The following PASK variants were observed in gnomAD, a reference collection of about 807,000 sequenced individuals.
PASK encodes PAS domain-containing serine/threonine-protein kinase.
Under a neutral mutation model 121.0 loss-of-function variants are expected in PASK, and 110 were observed. The observed-to-expected ratio is 0.91, with a 90% CI of 0.78 to 1.06. The LOEUF (loss-of-function observed/expected upper bound fraction) is 1.06, where lower values mean the gene tolerates loss of function less well. Among genes scored for constraint, PASK ranks in the 50% least tolerant of loss-of-function variants. The pLI, the probability that PASK is intolerant of heterozygous loss-of-function variation, is 0.00. For missense variants in PASK, 1,643 were observed against 1,702.3 expected, an observed-to-expected ratio of 0.97 and a Z score of 0.61; for synonymous variants, 686 against 717.8, an observed-to-expected ratio of 0.96 and a Z score of 0.71.
intron 9 of PASK, chr2:241,127,888 C>G (rs1257942888): frequency 3.5e-6 from 1 of 285,760 alleles, no homozygotes; most frequent in Non-Finnish European, 6.8e-6. Flanking sequence ...AAAAAAACAA[C>G]TGATTGACTA....
At chr2:241,138,147 C>T in intron 5 of PASK, 60 bp from the exon 6 acceptor site, 2 of 1,587,194 alleles carry the variant, frequency 1.3e-6, no homozygotes, top group Non-Finnish European at 1.7e-6. Flanking sequence ...GTAAATTTAA[C>T]TAAGCTTCAA....
intron 3 of PASK, 129 bp downstream of exon 3, chr2:241,140,392 A>G: frequency 1.3e-6 from 1 of 770,162 alleles, no homozygotes; most frequent in South Asian, 1.5e-5. Flanking sequence ...TCCTGGGCTC[A>G]AGCAAACTTC....
chr2:241,126,548 C>T lies in PASK; in HGVS notation c.2367G>A (p.Ser789=), dbSNP rs115388023. The T allele has an allele frequency of 1.2e-3, 1,948 of 1,614,152 alleles. 20 individuals are homozygous for T. The African/African-American group carries it at 0.022, about 18-fold the overall frequency. ...PDVGSLQEQG[S]CVLDDRELLL... is the part of the protein sequence containing the mutation. ...ACAGCTCCCTGTCATCCAGGACACA[C>T]GACCCCTGTTCCTGGAGACTGCCTA... Residue 789 remains serine (S), a synonymous_variant, in exon 10 of 18, where the codon TCG becomes TCA. Transcript: ENST00000234040.
At chr2:241,114,926 C>A (rs749009140) in intron 14 of PASK, 117 bp downstream of exon 14, 1 of 1,582,388 alleles carries the variant, frequency 6.3e-7, no homozygotes, top group South Asian at 1.1e-5. Flanking sequence ...AATCCCCACA[C>A]AGAAGGCTAG....
intron 9 of PASK, among the ~76,000 whole-genome samples, chr2:241,130,929 C>T (rs1418588913): frequency 2.0e-5 from 3 of 152,176 alleles, no homozygotes; most frequent in Non-Finnish European, 4.4e-5. Flanking sequence ...GGAACAGAAG[C>T]AGTTACATGT....
At chr2:241,121,653 A>G (rs886216006) in intron 12 of PASK, among the ~76,000 whole-genome samples, 9 of 152,240 alleles carry the variant, frequency 5.9e-5, no homozygotes, top group African/African-American at 2.2e-4. Context: ...GACATAAATG[A>G]CTAAAAGTAA....
At position 241,106,656 on chromosome 2, in the gene PASK, A is replaced by G. The variant is rs1575211389; in HGVS notation, c.3882T>C (p.Ala1294=). 6.2e-7 allele frequency: 1 copy of G among 1,614,232 alleles called. No homozygotes were observed. Among genetic ancestry groups the G allele is most frequent in the Non-Finnish European group, 8.5e-7 (1 of 1,180,016 alleles). ...GNRSLSDVAQ[A]QELCGGPVPG... is the part of the protein sequence containing the mutation. ...GAACGGGGCCCCCACAAAGCTCCTG[A>G]GCCTGGGCCACATCACTCAGGCTCC... is the stretch of plus-strand genomic sequence containing the variant. Residue 1294 remains alanine (A), a synonymous_variant, in exon 18 of 18, where the codon GCT becomes GCC. Transcript: ENST00000234040.
chr2:241,150,166 G>C (rs2067218428), upstream of PASK: 1 of 1,271,090 alleles, frequency 7.9e-7, no homozygotes, highest in Admixed American at 3.9e-5. Context: ...TCAAGCCCAG[G>C]GCGTCTCTCC....
In PASK at chr2:241,140,612, C is replaced by A; in HGVS notation, c.338G>T (p.Gly113Val). 3 of 1,614,118 alleles carry A rather than the reference C, an allele frequency of 1.9e-6. No homozygotes were observed. Among genetic ancestry groups the A allele is most frequent in the Non-Finnish European group, 8.5e-7 (1 of 1,179,964 alleles). Residue 113 changes from glycine (G) to valine (V), a missense_variant, in exon 3 of 18, where the codon GGA becomes GTA. Gly to Val is a moderately radical substitution (Grantham distance 109). This residue lies in a region of PASK where 1,176 missense variants were observed against 1,162.2 expected (regional missense o/e 1.01). Transcript: ENST00000234040. ...GSVSCCSLLR[G>V]LSSGWSSPLL... ...AGGTGAGGACCACCCTGAGGACAGT[C>A]CCCGCAGCAGGGAGCAGCAGGACAC...
chr2:241,111,885 A>G (rs1337892375), intron 15 of PASK, among the ~76,000 whole-genome samples: 2 of 152,230 alleles, frequency 1.3e-5, no homozygotes, highest in Non-Finnish European at 2.9e-5. Flanking sequence ...ATTGAAATAG[A>G]TATTATTCCT....
intron 14 of PASK, chr2:241,113,607 A>C: frequency 1.2e-5 from 6 of 514,840 alleles, no homozygotes; most frequent in Non-Finnish European, 1.5e-5. Context: ...GTCAGGATCC[A>C]ATCAGGAGAC....
intron 8 of PASK, chr2:241,133,631 T>C (rs945244389): frequency 5.9e-6 from 1 of 169,224 alleles, no homozygotes; most frequent in African/African-American, 2.4e-5. Flanking sequence ...GCCTGGCACG[T>C]GGTAGGGGAT....
intron 4 of PASK, chr2:241,139,466 G>A (rs2066597571): frequency 2.1e-6 from 1 of 472,586 alleles, no homozygotes; most frequent in African/African-American, 2.0e-5. Context: ...CACTGTCTAG[G>A]GAAATGCTTC....
chr2:241,142,808 T>A, intron 2 of PASK, 29 bp downstream of exon 2: 3 of 1,519,812 alleles, frequency 2.0e-6, no homozygotes, highest in Non-Finnish European at 1.8e-6. Flanking sequence ...TTCCACGCGC[T>A]AAGGCCTGCA....
Position 241,108,118 on chromosome 2 carries a change from G to A in PASK, c.3667+49C>T, listed in dbSNP as rs1436337699. The A allele has an allele frequency of 6.2e-7, 1 of 1,601,600 alleles. No individual in the cohort carries two copies. Among genetic ancestry groups the A allele is most frequent in the South Asian group, 1.1e-5 (1 of 90,838 alleles). ...GAGGAAATGGGAAAAAAAAGTGGCTGGTCTCTAAGGACAGTGTCGACTGTC... is the reference window on the plus strand; with the variant it reads ...GAGGAAATGGGAAAAAAAAGTGGCTAGTCTCTAAGGACAGTGTCGACTGTC... On this transcript the variant is annotated intron_variant, in intron 16 of 17. Coordinates refer to ENST00000234040, the MANE Select transcript of PASK (RefSeq NM_015148.4). This position sits in a 1 kb window ranked among gnomAD's most constrained non-coding sequence, Gnocchi z 5.2.
At chr2:241,123,224 G>A (rs2065701227) in intron 11 of PASK, among the ~76,000 whole-genome samples, 1 of 150,150 alleles carries the variant, frequency 6.7e-6, no homozygotes, top group Admixed American at 6.6e-5. Context: ...CGCCCAGGCT[G>A]GAGTGCAGTG....
chr2:241,127,338 C>T lies in PASK; in HGVS notation c.1577G>A (p.Gly526Glu), dbSNP rs1440681902. The T allele has an allele frequency of 6.2e-7, 1 of 1,614,102 alleles. No homozygotes were observed. Among genetic ancestry groups the T allele is most frequent in the Non-Finnish European group, 8.5e-7 (1 of 1,180,050 alleles). The change falls in exon 10 of 18, where the codon GGA (glycine) becomes GAA (glutamate). Residue 526 changes from glycine (G) to glutamate (E), a missense_variant. This residue lies in a region of PASK where 1,176 missense variants were observed against 1,162.2 expected (regional missense o/e 1.01). Coordinates refer to ENST00000234040, the MANE Select transcript of PASK (RefSeq NM_015148.4). ...REEPVAIESP[G>E]QDLLGESRSE... Reference sequence around the variant, plus strand: ...CCTGCTTTCTCCCAGAAGATCCTGTCCGGGGCTCTCTATTGCCACAGGTTC... The same window carrying T: ...CCTGCTTTCTCCCAGAAGATCCTGTTCGGGGCTCTCTATTGCCACAGGTTC...
At chr2:241,149,830 TG>T, upstream of PASK, 1 of 1,507,780 alleles carries the variant, frequency 6.6e-7, no homozygotes, top group Non-Finnish European at 8.8e-7. Flanking sequence ...CGCACTGGGC[TG>T]GGAACGACTT....
At position 241,106,570 on chromosome 2, in the gene PASK, C is replaced by T. The variant is rs2064886963; in HGVS notation, c.3968G>A (p.Ser1323Asn). ...LHPGDPRLLT[S>N] Reference sequence around the variant, plus strand: ...AAAGCAGGAAGAAATTGGTGTTTAGCTGGTCAGCAGACGGGGATCCCCGGG... The same window carrying T: ...AAAGCAGGAAGAAATTGGTGTTTAGTTGGTCAGCAGACGGGGATCCCCGGG... The change falls in exon 18 of 18, where the codon AGC (serine) becomes AAC (asparagine). Residue 1323 changes from serine to asparagine, a missense_variant. Around this residue, in one of 3 missense-constraint regions of PASK, gnomAD observed 453 missense variants for 511.2 expected, o/e 0.89. Coordinates refer to ENST00000234040, the MANE Select transcript of PASK (RefSeq NM_015148.4). 1 of 1,614,150 alleles carries T rather than the reference C, an allele frequency of 6.2e-7. No homozygotes were observed. The highest frequency in any genetic ancestry group is 8.5e-7 in the Non-Finnish European group (1 of 1,180,002).
Sources: allele counts gnomAD v4.1 joint callset (sites outside exome capture counted in the v4.1 genomes callset), GRCh38; gene constraint gnomAD v4.1.1; regional missense constraint gnomAD v4.1.1; non-coding constraint Gnocchi (gnomAD v3.1); transcripts MANE v1.5; gene names NCBI Gene and HGNC (gene_info 2026-07-23, HGNC 2026-07-21).